Variants in TMEM45B observed in about 807,000 individuals in gnomAD.
TMEM45B encodes transmembrane protein 45B.
In TMEM45B, 29 loss-of-function variants were observed where a neutral mutation model predicts 27.3. The observed-to-expected ratio is 1.06, with a 90% CI of 0.79 to 1.45. TMEM45B has a LOEUF of 1.45. Ranked by LOEUF, TMEM45B falls within the 40% of genes most tolerant of loss-of-function variation. TMEM45B has a pLI of 0.00. For synonymous variants in TMEM45B, 143 were observed against 134.7 expected, an observed-to-expected ratio of 1.06 and a Z score of -0.43; for missense variants, 348 against 343.9, an observed-to-expected ratio of 1.01 and a Z score of -0.09.
At chr11:129,816,051 CA>C (rs1474622030) in intron 1 of TMEM45B, among the ~76,000 whole-genome samples, 153 bp downstream of exon 1, 2 of 152,042 alleles carry the variant, frequency 1.3e-5, no homozygotes, top group Non-Finnish European at 2.9e-5. Flanking sequence ...GGCTCTGGGA[CA>C]GGGGTGAAGG....
Position 129,848,506 on chromosome 11 carries a change from A to AGAGAGG in TMEM45B, c.-8-3949_-8-3944dup, listed in dbSNP as rs66700369. The stretch of plus-strand genomic sequence containing the variant: ...TCGGCATGAAAGGGAGACCGTGGAA[A>AGAGAGG]GAGAGGGAGAGGGAGAGGGAGAGGG... On this transcript the variant is annotated intron_variant, in intron 1 of 5. Transcript: ENST00000281441. 2.0e-3 allele frequency among the ~76,000 whole-genome samples: 304 copies of AGAGAGG among 151,828 alleles called. 3 individuals are homozygous for AGAGAGG. The highest frequency in any genetic ancestry group is 6.5e-3 in the African/African-American group (269 of 41,312).
intron 1 of TMEM45B, among the ~76,000 whole-genome samples, chr11:129,830,479 A>G (rs1348640236): frequency 6.6e-6 from 1 of 152,240 alleles, no homozygotes. Flanking sequence ...AAGAAAAAAA[A>G]CAGATAAATT....
At chr11:129,832,074 A>AAAAG (rs1947555599) in intron 1 of TMEM45B, among the ~76,000 whole-genome samples, 1 of 149,582 alleles carries the variant, frequency 6.7e-6, no homozygotes, top group Non-Finnish European at 1.5e-5. Context: ...TCAAAAAAAA[A>AAAAG]AAAAAAAAAA....
intron 1 of TMEM45B, among the ~76,000 whole-genome samples, chr11:129,817,185 C>G (rs1031494344): frequency 3.3e-5 from 5 of 152,284 alleles, no homozygotes; most frequent in Non-Finnish European, 5.9e-5. Flanking sequence ...TGCAATTTTA[C>G]ACTCATTTTA....
intron 5 of TMEM45B, 27 bp downstream of exon 5, chr11:129,857,485 T>C: frequency 2.5e-6 from 4 of 1,613,272 alleles, no homozygotes; most frequent in Non-Finnish European, 2.5e-6. Flanking sequence ...AGTGAAGCTT[T>C]TCCTCCTAAC....
At chr11:129,850,718 T>A (rs1219852677) in intron 1 of TMEM45B, 1 of 152,230 alleles carries the variant, frequency 6.6e-6, no homozygotes, top group African/African-American at 2.4e-5. Context: ...GGTATCTCTA[T>A]CAACATTCTG....
rs545837987 is a variant in TMEM45B, at chr11:129,836,881, T to A, written c.-8-15594T>A. Among the ~76,000 whole-genome samples, 4 of 152,288 alleles carry A rather than the reference T, an allele frequency of 2.6e-5. No homozygotes were observed. The East Asian group carries it at 7.7e-4, about 29-fold the overall frequency. On this transcript the variant is annotated intron_variant, in intron 1 of 5. Coordinates refer to ENST00000281441, the MANE Select transcript of TMEM45B (RefSeq NM_138788.5). ...TTCATGCTTACAACATGGAGAAACC[T>A]GGGAAACATCGTGCCAACAGAAAGG...
intron 4 of TMEM45B, among the ~76,000 whole-genome samples, chr11:129,856,198 G>A (rs1229339393): frequency 1.3e-5 from 2 of 152,050 alleles, no homozygotes; most frequent in South Asian, 2.1e-4. Flanking sequence ...CACTGGAAAC[G>A]TGGGCCCTGA....
In TMEM45B at chr11:129,851,543, C is replaced by CAAAAAAAAAAAA. The variant is rs71057982; in HGVS notation, c.-8-928_-8-917dup. Among the ~76,000 whole-genome samples, 72 of 54,934 alleles carry CAAAAAAAAAAAA rather than the reference C, an allele frequency of 1.3e-3. 2 individuals carry two copies. The highest frequency in any genetic ancestry group is 1.8e-3 in the African/African-American group (26 of 14,290). 36.0% of individuals were successfully genotyped at this position (54,934 alleles called of 152,430 possible). The stretch of plus-strand genomic sequence containing the variant: ...TGGGTGACAGAGTGAAACTCTGCCT[C>CAAAAAAAAAAAA]AAAAAAAAAAAAAAAGTCCCCTTCT... On this transcript the variant is annotated intron_variant, in intron 1 of 5. Coordinates refer to ENST00000281441, the MANE Select transcript of TMEM45B (RefSeq NM_138788.5).
At chr11:129,852,409 C>A in intron 1 of TMEM45B, 66 bp from the exon 2 acceptor site, 1 of 1,437,158 alleles carries the variant, frequency 7.0e-7, no homozygotes, top group Non-Finnish European at 9.5e-7. Context: ...ATTGTGTTTC[C>A]TGCCAAAATA....
chr11:129,855,908 C>A lies in TMEM45B; in HGVS notation c.570+16C>A, dbSNP rs1260034414. On this transcript the variant is annotated intron_variant, in intron 4 of 5. Transcript: ENST00000281441. Reference sequence around the variant, plus strand: ...GTTCTGGCAGGTGATTTTCCACACCCAGGCCCCTCGCTGGTCTGGATGGAG... The same window carrying A: ...GTTCTGGCAGGTGATTTTCCACACCAAGGCCCCTCGCTGGTCTGGATGGAG... 6.2e-7 allele frequency: 1 copy of A among 1,613,556 alleles called. No individual in the cohort carries two copies. The highest frequency in any genetic ancestry group is 8.5e-7 in the Non-Finnish European group (1 of 1,179,674).
At chr11:129,858,486 G>GT in intron 5 of TMEM45B, 88 bp from the exon 6 acceptor site, 1 of 837,196 alleles carries the variant, frequency 1.2e-6, no homozygotes, top group Non-Finnish European at 1.9e-6. Flanking sequence ...AAAGAAAATA[G>GT]TTTAAGAATC....
rs1947916526 is a variant in TMEM45B at position 129,855,860 on chromosome 11, C to T, written c.538C>T (p.Leu180Phe). 1 of 1,614,064 alleles carries T rather than the reference C, an allele frequency of 6.2e-7. No homozygotes were observed. The highest frequency in any genetic ancestry group is 1.1e-5 in the South Asian group (1 of 91,076). The change falls in exon 4 of 6, where the codon CTC becomes TTC. Residue 180 changes from leucine to phenylalanine, a missense_variant. Transcript: ENST00000281441. ...TGTGCTGGAACTTTTCCGAACCAGT[C>T]TCATCATTCTTCAGGGAACCTGGTT... is the stretch of plus-strand genomic sequence containing the variant. ...HIVLELFRTS[L>F]IILQGTWFWQ...
chr11:129,832,332 T>A (rs1260129792), intron 1 of TMEM45B, among the ~76,000 whole-genome samples: 1 of 152,166 alleles, frequency 6.6e-6, no homozygotes, highest in Non-Finnish European at 1.5e-5. Context: ...ATCGCACCAC[T>A]GCACTCCAGC....
In TMEM45B at chr11:129,858,683, T is replaced by A; in HGVS notation, c.826T>A (p.Ter276ArgextTer75). The A allele has an allele frequency of 3.9e-6, 6 of 1,555,896 alleles. No homozygotes were observed. Among genetic ancestry groups the A allele is most frequent in the Non-Finnish European group, 5.2e-6 (6 of 1,148,174 alleles). Residue 276 changes from the stop codon to arginine (R), a stop_lost, in exon 6 of 6, where the codon TGA becomes AGA. Coordinates refer to ENST00000281441, the MANE Select transcript of TMEM45B (RefSeq NM_138788.5). ...CCTCTTGAGTGGCTCAGATGAGGAA[T>A]GAGCCGAGATGCGGAGGGCGCAGAT... ...TALLSGSDEE[*>R]
chr11:129,856,523 G>C (rs1268720000), intron 4 of TMEM45B, among the ~76,000 whole-genome samples: 1 of 143,778 alleles, frequency 7.0e-6, no homozygotes, highest in African/African-American at 2.5e-5. Context: ...GTGTTTTTAA[G>C]TAAGCCTATA....
chr11:129,836,891 C>T (rs781091835), intron 1 of TMEM45B, among the ~76,000 whole-genome samples: 1 of 152,272 alleles, frequency 6.6e-6, no homozygotes, highest in East Asian at 1.9e-4. Flanking sequence ...TGGGAAACAT[C>T]GTGCCAACAG....
intron 1 of TMEM45B, among the ~76,000 whole-genome samples, chr11:129,839,121 C>T (rs1947659397): frequency 1.3e-5 from 2 of 152,128 alleles, no homozygotes; most frequent in South Asian, 2.1e-4. Flanking sequence ...AATGAGAGAG[C>T]GAGAGAAGGA....
chr11:129,830,034 T>C (rs552497320), intron 1 of TMEM45B, among the ~76,000 whole-genome samples: 1 of 152,286 alleles, frequency 6.6e-6, no homozygotes, highest in South Asian at 2.1e-4. Context: ...AAAAGTTAAG[T>C]CAAAATAGAT....
Sources: gnomAD v4.1 joint callset for allele counts (sites outside exome capture counted in the v4.1 genomes callset) on GRCh38, gnomAD v4.1.1 for gene constraint, MANE v1.5 for transcripts, NCBI Gene and HGNC (gene_info 2026-07-23, HGNC 2026-07-21) for gene names.